Variants in ANK2 observed in about 807,000 individuals in gnomAD.
The protein encoded by ANK2 is ankyrin-2.
In ANK2, 83 loss-of-function variants were observed where a neutral mutation model predicts 360.5. The ratio of observed to expected loss-of-function variants is 0.23; its 90% CI spans 0.19 to 0.28. ANK2 has a LOEUF of 0.28. Ranked by LOEUF, ANK2 falls within the 10% of genes least tolerant of loss-of-function variation. The pLI, the probability that ANK2 is intolerant of heterozygous loss-of-function variation, is 1.00. For synonymous variants in ANK2, 1,740 were observed against 1,759.5 expected, an observed-to-expected ratio of 0.99 and a Z score of 0.28; for missense variants, 4,201 against 4,795.7, an observed-to-expected ratio of 0.88 and a Z score of 3.66.
intron 1 of ANK2, among the ~76,000 whole-genome samples, chr4:113,146,409 A>AT (rs1284310517): frequency 1.3e-5 from 2 of 152,098 alleles, no homozygotes; most frequent in African/African-American, 2.4e-5. Flanking sequence ...GTCACAGAGC[A>AT]TTTTTTTAAG....
chr4:113,208,245 T>C (rs1299596074), intron 4 of ANK2, among the ~76,000 whole-genome samples: 3 of 151,816 alleles, frequency 2.0e-5, no homozygotes, highest in Non-Finnish European at 2.9e-5. Flanking sequence ...AGCAAATCAT[T>C]TGGAGACCGT....
At chr4:112,879,905 T>A (rs1370431018) in intron 1 of ANK2, among the ~76,000 whole-genome samples, 1 of 152,178 alleles carries the variant, frequency 6.6e-6, no homozygotes, top group African/African-American at 2.4e-5. Context: ...TCCCTTGACT[T>A]CCATCAATGG....
intron 1 of ANK2, among the ~76,000 whole-genome samples, chr4:113,156,575 T>G (rs2097306833): frequency 6.6e-6 from 1 of 151,834 alleles, no homozygotes. Flanking sequence ...TTTCACCATG[T>G]TGCCCTAGAA....
At position 113,354,257 on chromosome 4, in the gene ANK2, C is replaced by G. The variant is rs2095600855; in HGVS notation, c.5639C>G (p.Pro1880Arg). Residue 1880 changes from proline to arginine, a missense_variant, in exon 38 of 46, where the codon CCT becomes CGT. By Grantham distance (103) the Pro-to-Arg change is moderately radical. Around this residue, in one of 4 missense-constraint regions of ANK2, gnomAD observed 2,642 missense variants for 2,714.5 expected, o/e 0.97. Coordinates refer to ENST00000357077, the MANE Select transcript of ANK2 (RefSeq NM_001148.6). The stretch of plus-strand genomic sequence containing the variant: ...TCGAGTAAAACTGAGAAACACTCAC[C>G]TGTATCACCCTCGACAAAAACTGAA... ...SSSSKTEKHSPVSPSTKTERH... is the reference protein window; with the variant it reads ...SSSSKTEKHSRVSPSTKTERH... 1 of 1,613,968 alleles carries G rather than the reference C, an allele frequency of 6.2e-7. No individual in the cohort carries two copies. Among genetic ancestry groups the G allele is most frequent in the South Asian group, 1.1e-5 (1 of 91,088 alleles).
chr4:113,146,042 G>A (rs2096822899), intron 1 of ANK2: 1 of 1,288,764 alleles, frequency 7.8e-7, no homozygotes, highest in South Asian at 1.2e-5. Flanking sequence ...AGGGAGGATG[G>A]TGGCATAAGA....
At chr4:112,766,199 G>T in the ANK2 span, among the ~76,000 whole-genome samples, 1 of 152,084 alleles carries the variant, frequency 6.6e-6, no homozygotes, top group South Asian at 2.1e-4. Context: ...GGGCGTGGTG[G>T]TGCACGCCTG....
At chr4:113,344,420 T>C (rs2094601025) in intron 34 of ANK2, among the ~76,000 whole-genome samples, 2 of 152,278 alleles carry the variant, frequency 1.3e-5, no homozygotes, top group South Asian at 4.1e-4. Context: ...TGTGGACGAA[T>C]TGGGGCCCTA....
rs981901265 is a variant in ANK2, at chr4:113,237,035, G to A, written c.532G>A (p.Ala178Thr). ...AVALQQGHNQ[A>T]VAILLENDTK... ...GGCACTCCAGCAAGGACACAACCAG[G>A]CGGTGGCCATCCTCTTGGAGAATGA... Residue 178 changes from alanine to threonine, a missense_variant, in exon 6 of 46, where the codon GCG (alanine) becomes ACG (threonine). Around this residue, in one of 4 missense-constraint regions of ANK2, gnomAD observed 122 missense variants for 239.3 expected, o/e 0.51. Transcript: ENST00000357077. 6.2e-7 allele frequency: 1 copy of A among 1,614,038 alleles called. No individual in the cohort carries two copies. Among genetic ancestry groups the A allele is most frequent in the African/African-American group, 1.3e-5 (1 of 74,918 alleles).
intron 2 of ANK2, among the ~76,000 whole-genome samples, chr4:113,033,225 G>T (rs1336938358): frequency 6.6e-6 from 1 of 152,014 alleles, no homozygotes. Flanking sequence ...GAATGGCTGA[G>T]TGTGTACCAG....
intron 1 of ANK2, among the ~76,000 whole-genome samples, chr4:112,844,989 A>G (rs910204990): frequency 1.3e-5 from 2 of 152,204 alleles, no homozygotes; most frequent in African/African-American, 4.8e-5. Flanking sequence ...AACATATTTC[A>G]GAGAGAAATT....
At chr4:113,371,455 TA>T (rs1281788796) in intron 43 of ANK2, among the ~76,000 whole-genome samples, 1 of 152,206 alleles carries the variant, frequency 6.6e-6, no homozygotes, top group Non-Finnish European at 1.5e-5. Context: ...AAATTTAACC[TA>T]AGAATCCATA....
intron 1 of ANK2, among the ~76,000 whole-genome samples, chr4:113,152,743 T>C (rs2097142147): frequency 1.3e-5 from 2 of 151,908 alleles, no homozygotes; most frequent in Non-Finnish European, 2.9e-5. Context: ...TCTGTCTCTA[T>C]ATTAATTTTT....
At chr4:113,257,256 G>A (rs1371195282) in intron 11 of ANK2, among the ~76,000 whole-genome samples, 3 of 152,102 alleles carry the variant, frequency 2.0e-5, no homozygotes, top group Admixed American at 6.6e-5. Context: ...AGTAAGCACC[G>A]GGCCATTTAA....
At chr4:113,220,815 G>A (rs1026641999) in intron 4 of ANK2, among the ~76,000 whole-genome samples, 1 of 152,170 alleles carries the variant, frequency 6.6e-6, no homozygotes, top group African/African-American at 2.4e-5. Context: ...ATCTATAATT[G>A]TCAGGAACTA....
intron 2 of ANK2, among the ~76,000 whole-genome samples, chr4:113,042,291 C>G (rs1204866499): frequency 6.6e-6 from 1 of 152,178 alleles, no homozygotes; most frequent in Non-Finnish European, 1.5e-5. Flanking sequence ...CACCCTGGTT[C>G]TTGGAGTCTC....
intron 14 of ANK2, among the ~76,000 whole-genome samples, chr4:113,265,824 A>G (rs1278210568): frequency 6.6e-6 from 1 of 152,134 alleles, no homozygotes; most frequent in Non-Finnish European, 1.5e-5. Flanking sequence ...TCAATATTTG[A>G]TATACCTAAG....
intron 2 of ANK2, among the ~76,000 whole-genome samples, chr4:112,950,658 A>G (rs1204294547): frequency 2.6e-5 from 4 of 151,718 alleles, no homozygotes; most frequent in East Asian, 1.9e-4. Flanking sequence ...AGAAAAAAAA[A>G]AAAAAGAAAA....
chr4:112,712,387 CATAT>C, the ANK2 span, among the ~76,000 whole-genome samples: 562 of 115,374 alleles, frequency 4.9e-3, 74 homozygotes, highest in Middle Eastern at 0.021. Flanking sequence ...GCCAAGATGT[CATAT>C]ATATATATAT....
the ANK2 span, among the ~76,000 whole-genome samples, chr4:112,720,179 C>T: frequency 6.6e-6 from 1 of 152,134 alleles, no homozygotes; most frequent in Non-Finnish European, 1.5e-5. Context: ...ATATTTCTTC[C>T]CAGACCAATT....
Sources: allele counts gnomAD v4.1 joint callset (sites outside exome capture counted in the v4.1 genomes callset), GRCh38; gene constraint gnomAD v4.1.1; regional missense constraint gnomAD v4.1.1; transcripts MANE v1.5; gene names NCBI Gene and HGNC (gene_info 2026-07-23, HGNC 2026-07-21).